Variants in C9orf153 observed in about 807,000 individuals in gnomAD.
The protein encoded by C9orf153 is uncharacterized protein C9orf153.
C9orf153 carries 10 observed loss-of-function variants against 9.0 expected under a neutral mutation model. The observed-to-expected ratio is 1.11, with a 90% CI of 0.69 to 1.89. The LOEUF is 1.89. Ranked by LOEUF, C9orf153 falls within the 40% of genes most tolerant of loss-of-function variation. The pLI is 0.00. For missense variants in C9orf153, 108 were observed against 111.0 expected (o/e 0.97, Z 0.12); for synonymous variants, 35 against 37.3 (o/e 0.94, Z 0.23).
intron 1 of C9orf153, among the ~76,000 whole-genome samples, chr9:86,231,608 T>TATATATACATGTATGTATATGC (rs1824472159): frequency 2.0e-5 from 3 of 151,832 alleles, no homozygotes; most frequent in Admixed American, 1.3e-4. Context: ...GATATATATA[T>TATATATACATGTATGTATATGC]ATATATACAT....
At position 86,221,426 on chromosome 9, in the gene C9orf153, T is replaced by G. The variant is rs1441903263; in HGVS notation, c.*262A>C. On this transcript the variant is annotated 3_prime_UTR_variant, in exon 4 of 4. Transcript: ENST00000339137. Reference sequence around the variant, plus strand: ...CAGATGTTCTATTGGGTACTTGGCTTCTTTACTTTTTGTGTATTAAATCAA... The same window carrying G: ...CAGATGTTCTATTGGGTACTTGGCTGCTTTACTTTTTGTGTATTAAATCAA... 1 of 688,262 alleles carries G rather than the reference T, an allele frequency of 1.5e-6. No homozygotes were observed. The highest frequency in any genetic ancestry group is 1.9e-5 in the African/African-American group (1 of 53,398). 42.6% of individuals were successfully genotyped at this position (688,262 alleles called of 1,614,324 possible). A position where few individuals can be genotyped will look rare whatever the true frequency, so the allele number is the denominator to read the frequency against.
At position 86,220,763 on chromosome 9, in the gene C9orf153, T is replaced by C. The variant is rs1824180555; in HGVS notation, c.*925A>G. On this transcript the variant is annotated 3_prime_UTR_variant, in exon 4 of 4. Coordinates refer to ENST00000339137, the MANE Select transcript of C9orf153 (RefSeq NM_001276366.4). Reference sequence around the variant, plus strand: ...TTCTTGAGATTTTTCTGTCATTTTATTTTCACATATCACTTAATTTCCATT... The same window carrying C: ...TTCTTGAGATTTTTCTGTCATTTTACTTTCACATATCACTTAATTTCCATT... The C allele has an allele frequency of 6.6e-6, 1 of 152,180 alleles. No homozygotes were observed. Among genetic ancestry groups the C allele is most frequent in the Non-Finnish European group, 1.5e-5 (1 of 68,048 alleles). The allele number at this position is 152,180 out of a possible 1,614,324, so 9.4% of individuals were successfully genotyped here. A position where few individuals can be genotyped will look rare whatever the true frequency, so the allele number is the denominator to read the frequency against.
chr9:86,258,970 C>G (rs1240470293), intron 1 of C9orf153, among the ~76,000 whole-genome samples: 2 of 151,654 alleles, frequency 1.3e-5, no homozygotes, highest in Admixed American at 6.6e-5. Context: ...GTTGTGCATT[C>G]TATGAGATTT....
At chr9:86,239,027 C>T (rs935357974) in intron 1 of C9orf153, among the ~76,000 whole-genome samples, 3 of 151,196 alleles carry the variant, frequency 2.0e-5, no homozygotes, top group South Asian at 4.2e-4. Flanking sequence ...TTTGGGAGGC[C>T]GAGGAGGGCT....
rs964510949 is a variant in C9orf153 at position 86,221,154 on chromosome 9, T to A, written c.*534A>T. 1.1e-4 allele frequency: 16 copies of A among 152,324 alleles called. No homozygotes were observed. The highest frequency in any genetic ancestry group is 3.6e-4 in the African/African-American group (15 of 41,478). 9.4% of individuals were successfully genotyped at this position (152,324 alleles called of 1,614,324 possible). A position where few individuals can be genotyped will look rare whatever the true frequency, so the allele number is the denominator to read the frequency against. On this transcript the variant is annotated 3_prime_UTR_variant, in exon 4 of 4. Transcript: ENST00000339137. Reference sequence around the variant, plus strand: ...CTCAGATGTTAATTTGTTTGTTGAATGTACCAAATACTTTATGATGATGAA... The same window carrying A: ...CTCAGATGTTAATTTGTTTGTTGAAAGTACCAAATACTTTATGATGATGAA...
At chr9:86,242,169 G>A (rs1429285074) in intron 1 of C9orf153, among the ~76,000 whole-genome samples, 2 of 152,118 alleles carry the variant, frequency 1.3e-5, no homozygotes, top group African/African-American at 4.8e-5. Context: ...AGAAAAACAG[G>A]AAGAATCTTC....
chr9:86,259,064 C>T lies in C9orf153; in HGVS notation c.-27+486G>A, dbSNP rs77086840. Among the ~76,000 whole-genome samples, 29 of 149,462 alleles carry T rather than the reference C, an allele frequency of 1.9e-4. 1 individual carries two copies. In the East Asian group the frequency reaches 5.8e-3, roughly 30 times the overall value. ...TTTTTCTTTGAGATAGGCTCTCATTCTGTCACCCCAGCTGGAGTGCAGTGG... is the reference window on the plus strand; with the variant it reads ...TTTTTCTTTGAGATAGGCTCTCATTTTGTCACCCCAGCTGGAGTGCAGTGG... On this transcript the variant is annotated intron_variant, in intron 1 of 3. Transcript: ENST00000339137.
intron 1 of C9orf153, among the ~76,000 whole-genome samples, chr9:86,247,334 C>T (rs542349134): frequency 5.7e-4 from 87 of 152,188 alleles, no homozygotes; most frequent in African/African-American, 1.9e-3. Context: ...TGTGCACATT[C>T]CTCTACTTTA....
At position 86,227,638 on chromosome 9, in the gene C9orf153, G is replaced by T. The variant is rs541800510; in HGVS notation, c.242+217C>A. 3 of 985,344 alleles carry T rather than the reference G, an allele frequency of 3.0e-6. No homozygotes were observed. The East Asian group carries it at 3.4e-4, about 112-fold the overall frequency. The allele number at this position is 985,344 out of a possible 1,614,324, so 61.0% of individuals were successfully genotyped here. A position where few individuals can be genotyped will look rare whatever the true frequency, so the allele number is the denominator to read the frequency against. ...TGCCTAAGCTGCATAAGATTTTGGGGCTTGGAACCTTCTGTACGGTAACTT... is the reference window on the plus strand; with the variant it reads ...TGCCTAAGCTGCATAAGATTTTGGGTCTTGGAACCTTCTGTACGGTAACTT... On this transcript the variant is annotated intron_variant, in intron 3 of 3. Coordinates refer to ENST00000339137, the MANE Select transcript of C9orf153 (RefSeq NM_001276366.4).
At chr9:86,233,614 G>T (rs754137403) in intron 1 of C9orf153, among the ~76,000 whole-genome samples, 1 of 151,854 alleles carries the variant, frequency 6.6e-6, no homozygotes, top group Non-Finnish European at 1.5e-5. Context: ...TCGGGATTCT[G>T]CCATGTTGGC....
chr9:86,244,732 T>C (rs1824828284), intron 1 of C9orf153, among the ~76,000 whole-genome samples: 1 of 152,170 alleles, frequency 6.6e-6, no homozygotes, highest in Non-Finnish European at 1.5e-5. Context: ...TCTGTCTCCA[T>C]CCTCAGTTCC....
At chr9:86,232,188 G>T (rs1824486776) in intron 1 of C9orf153, among the ~76,000 whole-genome samples, 1 of 152,186 alleles carries the variant, frequency 6.6e-6, no homozygotes, top group African/African-American at 2.4e-5. Flanking sequence ...GCACAAATAA[G>T]TTTAGATTCT....
intron 1 of C9orf153, among the ~76,000 whole-genome samples, chr9:86,250,755 T>G (rs543196330): frequency 1.3e-5 from 2 of 152,324 alleles, no homozygotes; most frequent in African/African-American, 2.4e-5. Context: ...TTTATTAGAA[T>G]GCTACTGTGT....
At chr9:86,247,463 C>G in intron 1 of C9orf153, among the ~76,000 whole-genome samples, 1 of 152,128 alleles carries the variant, frequency 6.6e-6, no homozygotes, top group East Asian at 1.9e-4. Flanking sequence ...GGGTGGATTG[C>G]TTGAGCCCCA....
Position 86,220,750 on chromosome 9 carries a change from TTC to T in C9orf153, c.*936_*937del, listed in dbSNP as rs1274094317. 1.3e-5 allele frequency: 2 copies of T among 152,204 alleles called. No homozygotes were observed. Among genetic ancestry groups the T allele is most frequent in the Non-Finnish European group, 2.9e-5 (2 of 68,042 alleles). The allele number at this position is 152,204 out of a possible 1,614,324, so 9.4% of individuals were successfully genotyped here. A position where few individuals can be genotyped will look rare whatever the true frequency, so the allele number is the denominator to read the frequency against. On this transcript the variant is annotated 3_prime_UTR_variant, in exon 4 of 4. Coordinates refer to ENST00000339137, the MANE Select transcript of C9orf153 (RefSeq NM_001276366.4). ...AGGTCTCATGTGTTTCTTGAGATTTTTCTGTCATTTTATTTTCACATATCACT... is the reference window on the plus strand; with the variant it reads ...AGGTCTCATGTGTTTCTTGAGATTTTTGTCATTTTATTTTCACATATCACT...
chr9:86,238,744 G>A (rs1210504632), intron 1 of C9orf153, among the ~76,000 whole-genome samples: 3 of 152,080 alleles, frequency 2.0e-5, no homozygotes, highest in Non-Finnish European at 4.4e-5. Context: ...TGGCAGAGAT[G>A]TGTGCTGAAA....
At chr9:86,250,388 T>C (rs559605014) in intron 1 of C9orf153, among the ~76,000 whole-genome samples, 40 of 152,186 alleles carry the variant, frequency 2.6e-4, no homozygotes, top group East Asian at 7.7e-4. Flanking sequence ...AATTGAGAGA[T>C]AGCACATGGG....
Position 86,230,222 on chromosome 9 carries a change from C to G in C9orf153, c.-26-593G>C, listed in dbSNP as rs149577521. 6.2e-3 allele frequency among the ~76,000 whole-genome samples: 939 copies of G among 152,322 alleles called. 8 individuals are homozygous for G. The highest frequency in any genetic ancestry group is 0.021 in the African/African-American group (870 of 41,568). On this transcript the variant is annotated intron_variant, in intron 1 of 3. Coordinates refer to ENST00000339137, the MANE Select transcript of C9orf153 (RefSeq NM_001276366.4). ...TTCAACTGAGCATTTCACTGAAATA[C>G]CCAAATTCTTCTACAACATGTGTAT...
intron 1 of C9orf153, among the ~76,000 whole-genome samples, chr9:86,253,208 T>A (rs1442458663): frequency 2.6e-5 from 4 of 152,246 alleles, no homozygotes; most frequent in African/African-American, 9.6e-5. Flanking sequence ...AGACTTTGAC[T>A]GGAATGACAT....
Sources: gnomAD v4.1 joint callset for allele counts (sites outside exome capture counted in the v4.1 genomes callset) on GRCh38, gnomAD v4.1.1 for gene constraint, MANE v1.5 for transcripts, NCBI Gene and HGNC (gene_info 2026-07-23, HGNC 2026-07-21) for gene names.